GARNL3: variants seen among roughly 807,000 people sequenced by gnomAD.
The protein encoded by GARNL3 is GTPase-activating Rap/Ran-GAP domain-like protein 3.
In GARNL3, 63 loss-of-function variants were observed where a neutral mutation model predicts 125.0. The observed-to-expected ratio is 0.50, with a 90% CI of 0.41 to 0.62. The LOEUF is 0.62. GARNL3 is among the 20% of genes least tolerant of loss of function. GARNL3 has a pLI of 0.00. For synonymous variants in GARNL3, 439 were observed against 457.5 expected (o/e 0.96, Z 0.52); for missense variants, 994 against 1,244.0 (o/e 0.80, Z 3.02).
chr9:127,345,747 A>G (rs1003890766), intron 16 of GARNL3, among the ~76,000 whole-genome samples: 2 of 152,250 alleles, frequency 1.3e-5, no homozygotes, highest in African/African-American at 4.8e-5. Flanking sequence ...GGGCCTCTCA[A>G]GCTTTATGTG....
intron 23 of GARNL3, 28 bp downstream of exon 23, chr9:127,383,573 T>C: frequency 7.0e-7 from 1 of 1,436,398 alleles, no homozygotes; most frequent in Non-Finnish European, 9.7e-7. Flanking sequence ...CATAATGCTT[T>C]TCTCCTTCAT....
intron 11 of GARNL3, 52 bp downstream of exon 11, chr9:127,336,288 C>A: frequency 7.9e-7 from 1 of 1,273,126 alleles, no homozygotes. Context: ...GGTTCAGCCT[C>A]ACTGGACTTC....
intron 5 of GARNL3, among the ~76,000 whole-genome samples, chr9:127,319,779 G>A (rs925451151): frequency 6.6e-6 from 1 of 152,138 alleles, no homozygotes. Flanking sequence ...CTAAAAAGAA[G>A]TTTACTCTAG....
chr9:127,328,653 C>T (rs1298980087), intron 7 of GARNL3, among the ~76,000 whole-genome samples: 1 of 152,056 alleles, frequency 6.6e-6, no homozygotes, highest in Non-Finnish European at 1.5e-5. Context: ...TAACAAGGAA[C>T]CAGGGGTGTC....
At chr9:127,288,170 A>G (rs1489446506) in intron 1 of GARNL3, among the ~76,000 whole-genome samples, 1 of 152,212 alleles carries the variant, frequency 6.6e-6, no homozygotes, top group Non-Finnish European at 1.5e-5. Context: ...AATGTAAATC[A>G]CAACTCTGCA....
At chr9:127,257,047 A>G (rs1275393144) in intron 2 of GARNL3, among the ~76,000 whole-genome samples, 1 of 152,182 alleles carries the variant, frequency 6.6e-6, no homozygotes. Context: ...TGGGATGGAC[A>G]TTTTCCATTC....
At chr9:127,344,748 T>G (rs1484486122) in intron 15 of GARNL3, among the ~76,000 whole-genome samples, 1 of 152,184 alleles carries the variant, frequency 6.6e-6, no homozygotes, top group East Asian at 1.9e-4. Context: ...AGACTTGAAT[T>G]ACCACCCTAT....
At chr9:127,270,292 T>G (rs1318936741) in intron 1 of GARNL3, among the ~76,000 whole-genome samples, 2 of 152,172 alleles carry the variant, frequency 1.3e-5, no homozygotes, top group Non-Finnish European at 2.9e-5. Flanking sequence ...ATGTCTGTCC[T>G]TATGACAGAA....
chr9:127,348,812 A>C, intron 16 of GARNL3, 112 bp from the exon 17 acceptor site: 1 of 666,040 alleles, frequency 1.5e-6, no homozygotes, highest in Non-Finnish European at 2.5e-6. Context: ...CTCCGCTCCC[A>C]CGGGGGTATC....
chr9:127,281,930 T>G (rs2064115980), intron 1 of GARNL3, among the ~76,000 whole-genome samples: 1 of 152,256 alleles, frequency 6.6e-6, no homozygotes, highest in Non-Finnish European at 1.5e-5. Context: ...ATAAACCAGC[T>G]TATGTTGGAA....
At chr9:127,383,856 C>T (rs1832401976) in intron 23 of GARNL3, among the ~76,000 whole-genome samples, 1 of 152,158 alleles carries the variant, frequency 6.6e-6, no homozygotes, top group Non-Finnish European at 1.5e-5. Flanking sequence ...CCTCACTTTC[C>T]TTTTTCTAAA....
At chr9:127,228,101 T>C (rs899769646) in intron 1 of GARNL3, among the ~76,000 whole-genome samples, 2 of 152,264 alleles carry the variant, frequency 1.3e-5, no homozygotes, top group Non-Finnish European at 2.9e-5. Context: ...CCACTTAATA[T>C]AGTGTAAGGA....
intron 22 of GARNL3, among the ~76,000 whole-genome samples, chr9:127,369,600 C>G (rs895428593): frequency 1.3e-4 from 20 of 152,274 alleles, no homozygotes; most frequent in Admixed American, 1.2e-3. Context: ...GAGAGGGACC[C>G]TTGGACCCAG....
Position 127,390,754 on chromosome 9 carries a change from T to C in GARNL3, c.2857T>C (p.Ser953Pro). The change falls in exon 27 of 28, where the codon TCT (serine) becomes CCT (proline). Residue 953 changes from serine (S) to proline (P), a missense_variant. Physicochemically the swap from Ser to Pro is moderately conservative, Grantham distance 74. Around this residue, in one of 5 missense-constraint regions of GARNL3, gnomAD observed 728 missense variants for 865.7 expected, o/e 0.84. Coordinates refer to ENST00000373387, the MANE Select transcript of GARNL3 (RefSeq NM_032293.5). The stretch of plus-strand genomic sequence containing the variant: ...CCCCAAGCCAGGGGCAGTGAGGTCA[T>C]CTAGCAGTGACAGGTAAAGAGAGGG... ...GGPKPGAVRS[S>P]SSDRIPSGSL... 6.2e-7 allele frequency: 1 copy of C among 1,613,472 alleles called. No homozygotes were observed.
At chr9:127,390,175 T>C (rs916158615) in intron 26 of GARNL3, among the ~76,000 whole-genome samples, 1 of 152,198 alleles carries the variant, frequency 6.6e-6, no homozygotes, top group African/African-American at 2.4e-5. Context: ...CAGGAGGGGA[T>C]TCAGGCCACC....
At chr9:127,356,225 A>G (rs1253799612) in intron 20 of GARNL3, among the ~76,000 whole-genome samples, 1 of 152,160 alleles carries the variant, frequency 6.6e-6, no homozygotes, top group Non-Finnish European at 1.5e-5. Flanking sequence ...TGGAAATAAG[A>G]AGGCCTGCCA....
At chr9:127,298,137 A>G (rs963411854) in intron 2 of GARNL3, among the ~76,000 whole-genome samples, 3 of 152,220 alleles carry the variant, frequency 2.0e-5, no homozygotes, top group South Asian at 2.1e-4. Flanking sequence ...GTCTGCCCCA[A>G]CTTGATATCA....
At chr9:127,298,517 T>C (rs146053034) in intron 2 of GARNL3, among the ~76,000 whole-genome samples, 2 of 152,304 alleles carry the variant, frequency 1.3e-5, no homozygotes, top group African/African-American at 4.8e-5. Flanking sequence ...TTTTTAACTC[T>C]ATGCATAATA....
intron 1 of GARNL3, among the ~76,000 whole-genome samples, chr9:127,228,017 AC>A (rs1448778232): frequency 1.3e-5 from 2 of 152,228 alleles, no homozygotes; most frequent in African/African-American, 2.4e-5. Flanking sequence ...TACCCATAAT[AC>A]CACTAGGTAT....
Sources: allele counts gnomAD v4.1 joint callset (sites outside exome capture counted in the v4.1 genomes callset), GRCh38; gene constraint gnomAD v4.1.1; regional missense constraint gnomAD v4.1.1; transcripts MANE v1.5; gene names NCBI Gene and HGNC (gene_info 2026-07-23, HGNC 2026-07-21).